The following CEP57L1 variants were observed in gnomAD, a reference collection of about 807,000 sequenced individuals.
The protein encoded by CEP57L1 is centrosomal protein 57 like 1.
In CEP57L1, 37 loss-of-function variants were observed where a neutral mutation model predicts 61.0. That is an observed-to-expected ratio of 0.61 (90% CI 0.47 to 0.80). The LOEUF (loss-of-function observed/expected upper bound fraction) is 0.80, where lower values mean the gene tolerates loss of function less well. CEP57L1 is among the 30% of genes least tolerant of loss of function. The probability of loss-of-function intolerance (pLI) is 0.00; values close to 1 mark genes in which losing one functional copy is unlikely to be tolerated. For missense variants in CEP57L1, 422 were observed against 524.7 expected, an observed-to-expected ratio of 0.80 and a Z score of 1.91; for synonymous variants, 137 against 162.3, an observed-to-expected ratio of 0.84 and a Z score of 1.19.
intron 1 of CEP57L1, 148 bp downstream of exon 1, chr6:109,095,723 CAG>C: frequency 2.8e-6 from 1 of 355,686 alleles, no homozygotes; most frequent in Non-Finnish European, 3.9e-6. Context: ...AGGACTAGTC[CAG>C]CTGCCCAAGC....
chr6:109,162,551 T>G (rs757399155), intron 10 of CEP57L1, among the ~76,000 whole-genome samples, 198 bp from the exon 11 acceptor site: 2 of 152,228 alleles, frequency 1.3e-5, no homozygotes, highest in Non-Finnish European at 2.9e-5. Context: ...TAAGAGCTTT[T>G]TTCTCATTAT....
intron 1 of CEP57L1, among the ~76,000 whole-genome samples, 160 bp downstream of exon 1, chr6:109,095,735 C>T (rs2114504526): frequency 6.6e-6 from 1 of 152,204 alleles, no homozygotes; most frequent in Admixed American, 6.5e-5. Context: ...GCTGCCCAAG[C>T]GCGGGGTGTG....
At chr6:109,140,800 C>A (rs1317695807) in intron 1 of CEP57L1, 4 of 151,858 alleles carry the variant, frequency 2.6e-5, no homozygotes, top group Admixed American at 2.6e-4. Flanking sequence ...ATTTAATATT[C>A]ACTGATTTCT....
intron 1 of CEP57L1, among the ~76,000 whole-genome samples, chr6:109,124,822 T>A (rs188418872): frequency 6.6e-6 from 1 of 152,030 alleles, no homozygotes; most frequent in Non-Finnish European, 1.5e-5. Flanking sequence ...GAAGTCATCA[T>A]TGAAATGCCC....
intron 3 of CEP57L1, among the ~76,000 whole-genome samples, chr6:109,148,804 T>G (rs576454949): frequency 4.1e-4 from 63 of 152,310 alleles, no homozygotes; most frequent in African/African-American, 1.5e-3. Flanking sequence ...TTTTAATGAT[T>G]GCCATTCTAA....
chr6:109,130,261 G>C (rs574281232), intron 1 of CEP57L1, among the ~76,000 whole-genome samples: 1 of 151,976 alleles, frequency 6.6e-6, no homozygotes, highest in Middle Eastern at 3.2e-3. Context: ...CTGTAAGTTC[G>C]ACTACTTTAG....
At chr6:109,110,960 G>C (rs970634321) in intron 1 of CEP57L1, among the ~76,000 whole-genome samples, 1 of 152,208 alleles carries the variant, frequency 6.6e-6, no homozygotes, top group Admixed American at 6.5e-5. Flanking sequence ...CAGGTAACAT[G>C]ATGCCTCCAG....
At chr6:109,139,327 A>G in intron 1 of CEP57L1, among the ~76,000 whole-genome samples, 1 of 152,196 alleles carries the variant, frequency 6.6e-6, no homozygotes, top group East Asian at 1.9e-4. Flanking sequence ...ATTTTGAGAC[A>G]GAGTCTGACT....
chr6:109,168,988 G>T lies in CEP57L1; in HGVS notation c.*6018G>T, dbSNP rs1198604973. ...CCTGTAAAATCTTAACACTTTAGGA[G>T]GCCGAGGCGGGCAGATTGCCTGAGC... is the stretch of plus-strand genomic sequence containing the variant. On this transcript the variant is annotated 3_prime_UTR_variant, in exon 11 of 11. Coordinates refer to ENST00000517392, the MANE Select transcript of CEP57L1 (RefSeq NM_001271852.3). 4.0e-5 allele frequency among the ~76,000 whole-genome samples: 6 copies of T among 150,966 alleles called. No individual in the cohort carries two copies. Among genetic ancestry groups the T allele is most frequent in the Non-Finnish European group, 7.4e-5 (5 of 67,760 alleles).
chr6:109,109,616 A>G (rs1054788867), intron 1 of CEP57L1, among the ~76,000 whole-genome samples: 3 of 152,202 alleles, frequency 2.0e-5, no homozygotes, highest in Non-Finnish European at 2.9e-5. Flanking sequence ...AGGTATACAC[A>G]TGCCATGTTG....
intron 2 of CEP57L1, among the ~76,000 whole-genome samples, chr6:109,146,426 T>C (rs1211116555): frequency 6.6e-6 from 1 of 151,984 alleles, no homozygotes; most frequent in African/African-American, 2.4e-5. Context: ...TATTCATATT[T>C]ATACTCTTAT....
intron 1 of CEP57L1, among the ~76,000 whole-genome samples, chr6:109,121,353 T>A (rs1047606120): frequency 8.5e-5 from 13 of 152,220 alleles, no homozygotes; most frequent in Non-Finnish European, 1.5e-4. Flanking sequence ...AGTGTTGTAC[T>A]ACTCTTGGAA....
chr6:109,133,439 C>T (rs1404324367), intron 1 of CEP57L1, among the ~76,000 whole-genome samples: 2 of 152,122 alleles, frequency 1.3e-5, no homozygotes, highest in African/African-American at 4.8e-5. Context: ...GCTCGCTGAC[C>T]TTCACTTACC....
rs375304511 is a variant in CEP57L1 at position 109,100,105 on chromosome 6, T to G, written c.-4+4530T>G. 1.2e-4 allele frequency: 18 copies of G among 152,350 alleles called. No homozygotes were observed. The East Asian group carries it at 1.5e-3, about 13-fold the overall frequency. The allele number at this position is 152,350 out of a possible 1,614,324, so 9.4% of individuals were successfully genotyped here. On this transcript the variant is annotated intron_variant, in intron 1 of 10. Transcript: ENST00000517392. ...CAGTTGTGCCATGATTTGATTAAAG[T>G]GTGTTTATTTCAGTAGAGCTTAAGC... is the stretch of plus-strand genomic sequence containing the variant.
chr6:109,126,910 G>A (rs1305431858), intron 1 of CEP57L1, among the ~76,000 whole-genome samples: 2 of 152,164 alleles, frequency 1.3e-5, no homozygotes, highest in Non-Finnish European at 2.9e-5. Context: ...CCTCACGCCT[G>A]TAATCCCAGC....
intron 1 of CEP57L1, 84 bp from the exon 2 acceptor site, chr6:109,145,135 A>G (rs1771815528): frequency 5.0e-6 from 4 of 802,646 alleles, no homozygotes; most frequent in Admixed American, 2.8e-5. Context: ...TTATGTTTTT[A>G]AAGTTTCACC....
At chr6:109,139,832 A>G (rs1191958804) in intron 1 of CEP57L1, among the ~76,000 whole-genome samples, 1 of 151,930 alleles carries the variant, frequency 6.6e-6, no homozygotes, top group Non-Finnish European at 1.5e-5. Flanking sequence ...GGGTTTCACG[A>G]TGTTGGCCAG....
chr6:109,101,838 C>G (rs529900563), intron 1 of CEP57L1, among the ~76,000 whole-genome samples: 3 of 151,934 alleles, frequency 2.0e-5, no homozygotes, highest in Non-Finnish European at 4.4e-5. Flanking sequence ...CCAAGATGGT[C>G]TCGATCTCCT....
chr6:109,139,006 C>T (rs1183685083), intron 1 of CEP57L1, among the ~76,000 whole-genome samples: 2 of 152,176 alleles, frequency 1.3e-5, no homozygotes, highest in Non-Finnish European at 2.9e-5. Context: ...AAAGAAAGCA[C>T]TTTACAGCTT....
Sources: gnomAD v4.1 joint callset for allele counts (sites outside exome capture counted in the v4.1 genomes callset) on GRCh38, gnomAD v4.1.1 for gene constraint, MANE v1.5 for transcripts, NCBI Gene and HGNC (gene_info 2026-07-23, HGNC 2026-07-21) for gene names.